Variants in SESN1 observed in about 807,000 individuals in gnomAD.
SESN1 encodes the protein sestrin 1.
Under a neutral mutation model 59.3 loss-of-function variants are expected in SESN1, and 30 were observed. The observed-to-expected ratio is 0.51, with a 90% CI of 0.38 to 0.69. The LOEUF (loss-of-function observed/expected upper bound fraction) is 0.69, where lower values mean the gene tolerates loss of function less well. Ranked by LOEUF, SESN1 falls within the 30% of genes least tolerant of loss-of-function variation. The pLI, the probability that SESN1 is intolerant of heterozygous loss-of-function variation, is 0.00. For missense variants in SESN1, 566 were observed against 673.0 expected (o/e 0.84, Z 1.76); for synonymous variants, 197 against 219.9 (o/e 0.90, Z 0.92).
Position 108,987,399 on chromosome 6 carries a change from AG to A in SESN1, c.*144del. 1 of 535,970 alleles carries A rather than the reference AG, an allele frequency of 1.9e-6. No homozygotes were observed. The highest frequency in any genetic ancestry group is 3.0e-5 in the East Asian group (1 of 33,514). 33.2% of individuals were successfully genotyped at this position (535,970 alleles called of 1,614,324 possible). On this transcript the variant is annotated 3_prime_UTR_variant, in exon 10 of 10. Transcript: ENST00000436639. Reference sequence around the variant, plus strand: ...GCTTGTGCCAGCAGTGGTTTTCCACAGAAAAATAGCAGAAACTAAAGGAATC... The same window carrying A: ...GCTTGTGCCAGCAGTGGTTTTCCACAAAAAATAGCAGAAACTAAAGGAATC...
intron 1 of SESN1, among the ~76,000 whole-genome samples, chr6:109,035,865 C>T (rs1338143287): frequency 1.3e-5 from 2 of 152,180 alleles, no homozygotes; most frequent in Non-Finnish European, 2.9e-5. Flanking sequence ...GCCTCAGCCT[C>T]CTGAAGTGCT....
intron 1 of SESN1, among the ~76,000 whole-genome samples, chr6:109,055,171 G>C (rs1263976611): frequency 6.6e-6 from 1 of 152,066 alleles, no homozygotes; most frequent in African/African-American, 2.4e-5. Flanking sequence ...CTGGTCCCTG[G>C]GTGAAAAGAG....
rs1432248410 is a variant in SESN1 at position 108,985,489 on chromosome 6, C to T, written c.*2055G>A. 4.6e-5 allele frequency among the ~76,000 whole-genome samples: 7 copies of T among 152,224 alleles called. No homozygotes were observed. Among genetic ancestry groups the T allele is most frequent in the Non-Finnish European group, 1.5e-5 (1 of 68,036 alleles). On this transcript the variant is annotated 3_prime_UTR_variant, in exon 10 of 10. Coordinates refer to ENST00000436639, the MANE Select transcript of SESN1 (RefSeq NM_014454.3). ...CTGTGTGTTTAGTTTTGAGAAAACA[C>T]TCCAACAGGAAGCACCTGCTAAATG...
chr6:109,048,143 C>A (rs183513710), intron 1 of SESN1, among the ~76,000 whole-genome samples: 9 of 151,880 alleles, frequency 5.9e-5, no homozygotes, highest in Middle Eastern at 3.4e-3. Context: ...TTGCTGTCAA[C>A]ATTCACTGAA....
intron 3 of SESN1, 78 bp from the exon 4 acceptor site, chr6:109,000,751 A>G (rs1161217918): frequency 2.4e-5 from 28 of 1,161,668 alleles, no homozygotes; most frequent in Non-Finnish European, 3.0e-5. Flanking sequence ...AACATGCAAA[A>G]GAGCTAATTA....
chr6:109,007,208 G>A (rs1459039056), intron 1 of SESN1, among the ~76,000 whole-genome samples: 2 of 152,206 alleles, frequency 1.3e-5, no homozygotes, highest in East Asian at 3.8e-4. Flanking sequence ...AATGTTGACA[G>A]TAGTACCACA....
chr6:109,023,249 A>G (rs1353916236), intron 1 of SESN1, among the ~76,000 whole-genome samples: 2 of 152,168 alleles, frequency 1.3e-5, no homozygotes, highest in Non-Finnish European at 2.9e-5. Flanking sequence ...AACTTTATAC[A>G]TTTCTCCCTG....
intron 1 of SESN1, among the ~76,000 whole-genome samples, chr6:109,040,945 C>T (rs1202410936): frequency 6.6e-6 from 1 of 152,008 alleles, no homozygotes; most frequent in Non-Finnish European, 1.5e-5. Flanking sequence ...AGCCACCGCA[C>T]CTGGCCCAAA....
At chr6:109,088,636 A>G (rs1179856875) in intron 1 of SESN1, among the ~76,000 whole-genome samples, 3 of 152,206 alleles carry the variant, frequency 2.0e-5, no homozygotes, top group Non-Finnish European at 4.4e-5. Context: ...TGACCAAATG[A>G]CCATTCTTGG....
At chr6:109,028,012 CT>C (rs2114386710) in intron 1 of SESN1, among the ~76,000 whole-genome samples, 1 of 152,002 alleles carries the variant, frequency 6.6e-6, no homozygotes, top group Admixed American at 6.6e-5. Context: ...TGTGGCTTGC[CT>C]TTTCATTTTC....
At chr6:109,017,554 G>A (rs989318024) in intron 1 of SESN1, among the ~76,000 whole-genome samples, 3 of 152,054 alleles carry the variant, frequency 2.0e-5, no homozygotes, top group African/African-American at 4.8e-5. Flanking sequence ...CAAAGTGCTG[G>A]GATTGCAGGT....
At chr6:109,060,736 A>G (rs940692299) in intron 1 of SESN1, among the ~76,000 whole-genome samples, 15 of 152,206 alleles carry the variant, frequency 9.9e-5, no homozygotes, top group Non-Finnish European at 1.8e-4. Context: ...AAATGAGATC[A>G]GTACTTAATA....
chr6:108,992,432 C>A (rs1037066821), intron 7 of SESN1, among the ~76,000 whole-genome samples: 3 of 151,962 alleles, frequency 2.0e-5, no homozygotes, highest in Admixed American at 6.6e-5. Flanking sequence ...GTTTTTTGAG[C>A]AAAGAAACAA....
At chr6:109,060,427 C>T (rs1004102045) in intron 1 of SESN1, among the ~76,000 whole-genome samples, 1 of 152,154 alleles carries the variant, frequency 6.6e-6, no homozygotes, top group African/African-American at 2.4e-5. Flanking sequence ...CTTGATTTGA[C>T]CTGCCAAGCC....
intron 1 of SESN1, among the ~76,000 whole-genome samples, chr6:109,087,225 C>G (rs1539596): frequency 0.079 from 12,011 of 151,572 alleles, 641 homozygotes; most frequent in Middle Eastern, 0.2. Flanking sequence ...TCTGAAGAGT[C>G]AAAACATAGG....
intron 1 of SESN1, among the ~76,000 whole-genome samples, chr6:109,020,683 C>G (rs1414997391): frequency 6.6e-6 from 1 of 152,154 alleles, no homozygotes; most frequent in Non-Finnish European, 1.5e-5. Flanking sequence ...TCAAGAGTTA[C>G]AGATTTCATC....
intron 1 of SESN1, among the ~76,000 whole-genome samples, chr6:109,054,971 G>A (rs1780605044): frequency 6.6e-6 from 1 of 152,142 alleles, no homozygotes. Flanking sequence ...TATGAGGTAG[G>A]TCCAAATTTT....
In SESN1 at chr6:108,984,802, C is replaced by T. The variant is rs1022913306; in HGVS notation, c.*2742G>A. On this transcript the variant is annotated 3_prime_UTR_variant, in exon 10 of 10. Coordinates refer to ENST00000436639, the MANE Select transcript of SESN1 (RefSeq NM_014454.3). ...TTATGCTTCCTCTTGATCACACCAT[C>T]CTCTGCTGGGGAAGAGCTAGGGTGA... 1.3e-5 allele frequency among the ~76,000 whole-genome samples: 2 copies of T among 152,180 alleles called. No individual in the cohort carries two copies. The highest frequency in any genetic ancestry group is 2.9e-5 in the Non-Finnish European group (2 of 68,032).
In SESN1 at chr6:108,986,299, T is replaced by TC. The variant is rs1370016233; in HGVS notation, c.*1244dup. On this transcript the variant is annotated 3_prime_UTR_variant, in exon 10 of 10. Coordinates refer to ENST00000436639, the MANE Select transcript of SESN1 (RefSeq NM_014454.3). ...TAAGATTCTAAAGAAAGTCCACTCC[T>TC]CTTTGTATGTTTCAAAATGGCTTCA... 5 of 152,508 alleles carry TC rather than the reference T, an allele frequency of 3.3e-5. No homozygotes were observed. Among genetic ancestry groups the TC allele is most frequent in the Non-Finnish European group, 4.4e-5 (3 of 68,040 alleles). The allele number at this position is 152,508 out of a possible 1,614,324, so 9.4% of individuals were successfully genotyped here.
Sources: gnomAD v4.1 joint callset for allele counts (sites outside exome capture counted in the v4.1 genomes callset) on GRCh38, gnomAD v4.1.1 for gene constraint, MANE v1.5 for transcripts, NCBI Gene and HGNC (gene_info 2026-07-23, HGNC 2026-07-21) for gene names.